The following ARHGEF12 variants were observed in gnomAD, a reference collection of about 807,000 sequenced individuals.
ARHGEF12 encodes the protein KMT2A/ARHGEF12 fusion protein.
In ARHGEF12, 66 loss-of-function variants were observed where a neutral mutation model predicts 211.2. The observed-to-expected ratio is 0.31, with a 90% confidence interval of 0.26 to 0.38. The LOEUF is 0.38. Ranked by LOEUF, ARHGEF12 falls within the 10% of genes least tolerant of loss-of-function variation. The probability of loss-of-function intolerance (pLI) is 1.00; values close to 1 mark genes in which losing one functional copy is unlikely to be tolerated. For synonymous variants in ARHGEF12, 592 were observed against 638.4 expected, an observed-to-expected ratio of 0.93 and a Z score of 1.09; for missense variants, 1,429 against 1,869.5, an observed-to-expected ratio of 0.76 and a Z score of 4.34.
chr11:120,476,568 G>A, intron 33 of ARHGEF12, 93 bp from the exon 34 acceptor site: 1 of 781,356 alleles, frequency 1.3e-6, no homozygotes, highest in East Asian at 2.7e-5. Flanking sequence ...CCTTTATCTA[G>A]TTTAAGGGGC....
chr11:120,431,209 G>A (rs551010047), intron 10 of ARHGEF12, among the ~76,000 whole-genome samples: 22 of 152,076 alleles, frequency 1.4e-4, no homozygotes, highest in Non-Finnish European at 1.6e-4. Context: ...AGAATGGCTT[G>A]AACCATGGAG....
chr11:120,372,367 T>C (rs753873014), intron 1 of ARHGEF12, among the ~76,000 whole-genome samples: 2 of 152,162 alleles, frequency 1.3e-5, no homozygotes, highest in Non-Finnish European at 1.5e-5. Context: ...AATATAGATA[T>C]ACCATCTTTA....
At chr11:120,342,611 A>G (rs1942568976) in intron 1 of ARHGEF12, among the ~76,000 whole-genome samples, 1 of 152,214 alleles carries the variant, frequency 6.6e-6, no homozygotes, top group Admixed American at 6.5e-5. Context: ...CTGCAAAAAT[A>G]TGGGTAAAGA....
intron 1 of ARHGEF12, among the ~76,000 whole-genome samples, chr11:120,383,393 T>C (rs1398551086): frequency 2.0e-5 from 3 of 152,122 alleles, no homozygotes. Context: ...CACATTACAT[T>C]TATTGTCTAC....
chr11:120,414,094 A>G (rs879484071), intron 4 of ARHGEF12, among the ~76,000 whole-genome samples: 1 of 152,198 alleles, frequency 6.6e-6, no homozygotes, highest in Non-Finnish European at 1.5e-5. Flanking sequence ...CCACATTGTA[A>G]TAACAGAAAA....
chr11:120,481,237 A>T, intron 38 of ARHGEF12, 23 bp from the exon 39 acceptor site: 1 of 1,605,608 alleles, frequency 6.2e-7, no homozygotes, highest in Non-Finnish European at 8.5e-7. Flanking sequence ...GGTCTTATCA[A>T]ACTATTCTGT....
chr11:120,361,084 A>G (rs988415651), intron 1 of ARHGEF12, among the ~76,000 whole-genome samples: 4 of 152,238 alleles, frequency 2.6e-5, no homozygotes, highest in African/African-American at 7.2e-5. Flanking sequence ...TTAATGGTCA[A>G]CTTTGTCCAA....
chr11:120,457,237 T>A lies in ARHGEF12; in HGVS notation c.2176T>A (p.Cys726Ser). ...ATTAGACCAAGTGCAGGAGGAGGAA[T>A]GTGAAGTAGAAAGGTAATTCAGTGA... ...PPLDQVQEEE[C>S]EVERVTEHGT... The change falls in exon 23 of 41, where the codon TGT becomes AGT. Residue 726 changes from cysteine (C) to serine (S), a missense_variant. Physicochemically the swap from Cys to Ser is moderately radical, Grantham distance 112 (BLOSUM62 -1). Around this residue, in one of 7 missense-constraint regions of ARHGEF12, gnomAD observed 373 missense variants for 467.5 expected, o/e 0.80. Transcript: ENST00000397843. The A allele has an allele frequency of 6.2e-7, 1 of 1,613,980 alleles. No individual in the cohort carries two copies.
At chr11:120,348,629 G>A (rs1157538760) in intron 1 of ARHGEF12, among the ~76,000 whole-genome samples, 1 of 152,134 alleles carries the variant, frequency 6.6e-6, no homozygotes, top group Non-Finnish European at 1.5e-5. Context: ...ATCACCTGAG[G>A]TTGGGAGTTT....
intron 3 of ARHGEF12, 105 bp from the exon 4 acceptor site, chr11:120,409,289 C>T (rs957656636): frequency 4.2e-5 from 47 of 1,124,814 alleles, no homozygotes; most frequent in Admixed American, 7.9e-5. Flanking sequence ...TGTGTTTGCA[C>T]GATTTAACTT....
At chr11:120,469,110 T>G (rs1946795908) in intron 29 of ARHGEF12, among the ~76,000 whole-genome samples, 178 bp from the exon 30 acceptor site, 1 of 152,194 alleles carries the variant, frequency 6.6e-6, no homozygotes, top group Non-Finnish European at 1.5e-5. Flanking sequence ...ATAAGAAGTT[T>G]TACCTGTCCA....
At chr11:120,445,620 C>T (rs888776669) in intron 16 of ARHGEF12, among the ~76,000 whole-genome samples, 156 bp downstream of exon 16, 5 of 152,150 alleles carry the variant, frequency 3.3e-5, no homozygotes, top group South Asian at 2.1e-4. Context: ...TAAATGAGGC[C>T]GGGCGTAGTG....
chr11:120,481,496 A>C lies in ARHGEF12; in HGVS notation c.4474A>C (p.Ser1492Arg), dbSNP rs1565518282. ...AMEYSCFEIQ[S>R]PSSCADSQSQ... ...GGAGTATTCCTGTTTTGAGATCCAG[A>C]GTCCCTCCTCTTGTGCAGATTCACA... is the stretch of plus-strand genomic sequence containing the variant. The change falls in exon 39 of 41, where the codon AGT becomes CGT. Residue 1492 changes from serine (S) to arginine (R), a missense_variant. Coordinates refer to ENST00000397843, the MANE Select transcript of ARHGEF12 (RefSeq NM_015313.3). 1 of 1,614,184 alleles carries C rather than the reference A, an allele frequency of 6.2e-7. No individual in the cohort carries two copies. Among genetic ancestry groups the C allele is most frequent in the Non-Finnish European group, 8.5e-7 (1 of 1,180,034 alleles).
At chr11:120,454,245 CA>C (rs1946295706) in intron 22 of ARHGEF12, among the ~76,000 whole-genome samples, 1 of 152,094 alleles carries the variant, frequency 6.6e-6, no homozygotes, top group Non-Finnish European at 1.5e-5. Flanking sequence ...TTGTCAGAGT[CA>C]AGACGTAAGA....
chr11:120,337,601 T>TAAAGTA, intron 1 of ARHGEF12: 1 of 985,398 alleles, frequency 1.0e-6, no homozygotes, highest in Non-Finnish European at 1.2e-6. Context: ...TAGGTGAAGG[T>TAAAGTA]CGGTGCCTGA....
intron 13 of ARHGEF12, among the ~76,000 whole-genome samples, chr11:120,441,069 C>T (rs994864082): frequency 1.3e-5 from 2 of 151,972 alleles, no homozygotes. Flanking sequence ...TATATATTGT[C>T]GGTTTCAATT....
chr11:120,477,212 T>C lies in ARHGEF12; in HGVS notation c.3366-7T>C, dbSNP rs2135986014. 7 of 1,613,630 alleles carry C rather than the reference T, an allele frequency of 4.3e-6. No individual in the cohort carries two copies. Among genetic ancestry groups the C allele is most frequent in the Non-Finnish European group, 5.9e-6 (7 of 1,179,832 alleles). On this transcript the variant is annotated splice_polypyrimidine_tract_variant and splice_region_variant and intron_variant, in intron 34 of 40. Coordinates refer to ENST00000397843, the MANE Select transcript of ARHGEF12 (RefSeq NM_015313.3). ...TGTATTTTGGATTTCTTTCCAACTT[T>C]CTGAAGCTGGCAGGACCTAATCTGT...
chr11:120,365,166 C>G (rs1225978825), intron 1 of ARHGEF12, among the ~76,000 whole-genome samples: 1 of 152,028 alleles, frequency 6.6e-6, no homozygotes, highest in Non-Finnish European at 1.5e-5. Flanking sequence ...ATGTTGTTTT[C>G]TAGGCTTTTA....
At position 120,429,797 on chromosome 11, in the gene ARHGEF12, A is replaced by G; in HGVS notation, c.749A>G (p.Gln250Arg). ...QEAKKHIPQL[Q>R]EQLSKATGSA... Reference sequence around the variant, plus strand: ...GCCAAGAAACACATTCCTCAGCTGCAAGAGCAGTTATCCAAAGCCACAGGC... The same window carrying G: ...GCCAAGAAACACATTCCTCAGCTGCGAGAGCAGTTATCCAAAGCCACAGGC... Residue 250 changes from glutamine (Q) to arginine (R), a missense_variant, in exon 10 of 41, where the codon CAA becomes CGA. Transcript: ENST00000397843. 2 of 1,613,890 alleles carry G rather than the reference A, an allele frequency of 1.2e-6. No individual in the cohort carries two copies. The highest frequency in any genetic ancestry group is 1.7e-4 in the Middle Eastern group (1 of 6,060).
Sources: allele counts gnomAD v4.1 joint callset (sites outside exome capture counted in the v4.1 genomes callset), GRCh38; gene constraint gnomAD v4.1.1; regional missense constraint gnomAD v4.1.1; transcripts MANE v1.5; gene names NCBI Gene and HGNC (gene_info 2026-07-23, HGNC 2026-07-21).